The following SLC17A8 variants were observed in gnomAD, a reference collection of about 807,000 sequenced individuals.
SLC17A8 encodes the protein vesicular glutamate transporter 3.
A neutral mutation model predicts 58.0 loss-of-function variants in SLC17A8; 31 were observed. That is an observed-to-expected ratio of 0.53 (90% CI 0.40 to 0.72). SLC17A8 has a LOEUF of 0.72. Ranked by LOEUF, SLC17A8 falls within the 30% of genes least tolerant of loss-of-function variation. The pLI is 0.00. For synonymous variants in SLC17A8, 228 were observed against 249.0 expected (o/e 0.92, Z 0.79); for missense variants, 655 against 727.8 (o/e 0.90, Z 1.15).
Position 100,380,750 on chromosome 12 carries a change from G to A in SLC17A8, c.151G>A (p.Glu51Lys). The change falls in exon 2 of 12, where the codon GAA becomes AAA. Residue 51 changes from glutamate (E) to lysine (K), a missense_variant. Physicochemically the swap from Glu to Lys is moderately conservative, Grantham distance 56. Coordinates refer to ENST00000323346, the MANE Select transcript of SLC17A8 (RefSeq NM_139319.3). ...AGAAGATAACATTGAGCTGAATGAAGAAGGAAGGCCGGTGCAGACGTCCAG... is the reference window on the plus strand; with the variant it reads ...AGAAGATAACATTGAGCTGAATGAAAAAGGAAGGCCGGTGCAGACGTCCAG... Reference protein sequence around the residue: ...EEEDNIELNEEGRPVQTSRPS... With the variant: ...EEEDNIELNEKGRPVQTSRPS... The A allele has an allele frequency of 6.2e-7, 1 of 1,614,090 alleles. No individual in the cohort carries two copies. The highest frequency in any genetic ancestry group is 1.7e-5 in the Admixed American group (1 of 60,002).
At chr12:100,404,927 C>G (rs1012258415) in intron 9 of SLC17A8, among the ~76,000 whole-genome samples, 21 of 152,216 alleles carry the variant, frequency 1.4e-4, no homozygotes, top group African/African-American at 5.1e-4. Context: ...GCGGCTACCC[C>G]TCTGGAGGAC....
chr12:100,369,324 C>T (rs1470903243), intron 1 of SLC17A8, among the ~76,000 whole-genome samples: 1 of 152,118 alleles, frequency 6.6e-6, no homozygotes, highest in Non-Finnish European at 1.5e-5. Context: ...ATTGTTCAGA[C>T]TTCCTGGAAG....
In SLC17A8 at chr12:100,357,236, G is replaced by T. The variant is rs1221056409; in HGVS notation, c.-156G>T. The stretch of plus-strand genomic sequence containing the variant: ...TCTTATCTTGGAAGATCCGAGCTGG[G>T]TTTCATCTCCTTTTTGATTTTGAGT... On this transcript the variant is annotated 5_prime_UTR_variant, in exon 1 of 12. Coordinates refer to ENST00000323346, the MANE Select transcript of SLC17A8 (RefSeq NM_139319.3). The T allele has an allele frequency of 8.8e-6, 6 of 682,858 alleles. No individual in the cohort carries two copies. The highest frequency in any genetic ancestry group is 5.4e-6 in the Non-Finnish European group (2 of 373,386). The allele number at this position is 682,858 out of a possible 1,614,324, so 42.3% of individuals were successfully genotyped here. A position where few individuals can be genotyped will look rare whatever the true frequency, so the allele number is the denominator to read the frequency against.
At chr12:100,419,675 C>T (rs1952932886) in intron 11 of SLC17A8, 140 bp from the exon 12 acceptor site, 3 of 738,030 alleles carry the variant, frequency 4.1e-6, no homozygotes, top group Non-Finnish European at 6.7e-6. Flanking sequence ...GCTTCTGACA[C>T]ACGTCCTCCC....
At chr12:100,371,266 G>C (rs1478190881) in intron 1 of SLC17A8, among the ~76,000 whole-genome samples, 3 of 152,170 alleles carry the variant, frequency 2.0e-5, no homozygotes, top group African/African-American at 7.2e-5. Flanking sequence ...CAGGTTGAGG[G>C]AAGTTAGGTA....
In SLC17A8 at chr12:100,418,061, C is replaced by T. The variant is rs374159026; in HGVS notation, c.1330C>T (p.Arg444Cys). The T allele has an allele frequency of 2.5e-5, 41 of 1,614,080 alleles. No individual in the cohort carries two copies. Among genetic ancestry groups the T allele is most frequent in the Admixed American group, 1.7e-4 (10 of 60,004 alleles). ...FNVNHLDIAPRYASILMGISN... is the reference protein window; with the variant it reads ...FNVNHLDIAPCYASILMGISN... ...TGTCAACCACCTGGACATTGCCCCA[C>T]GCTATGCCAGCATTCTCATGGGGAT... is the stretch of plus-strand genomic sequence containing the variant. The change falls in exon 11 of 12, where the codon CGC becomes TGC. Residue 444 changes from arginine to cysteine, a missense_variant. Transcript: ENST00000323346.
chr12:100,403,914 A>C, intron 8 of SLC17A8, 124 bp from the exon 9 acceptor site: 1 of 1,074,784 alleles, frequency 9.3e-7, no homozygotes, highest in Non-Finnish European at 1.4e-6. Context: ...GCTCCCACAT[A>C]ATTAGATGCT....
chr12:100,387,301 A>G (rs537936781), intron 2 of SLC17A8, among the ~76,000 whole-genome samples: 2 of 152,302 alleles, frequency 1.3e-5, no homozygotes, highest in South Asian at 4.1e-4. Flanking sequence ...CCTAACAGGT[A>G]TAAAGTGACG....
rs551040112 is a variant in SLC17A8 at position 100,372,899 on chromosome 12, G to A, written c.102-7802G>A. ...ATTTTTAAAATACGTAAAATTATCT[G>A]CAAGTTCTCTCACTTTGTGCTCCAA... On this transcript the variant is annotated intron_variant, in intron 1 of 11. Transcript: ENST00000323346. 2.0e-5 allele frequency among the ~76,000 whole-genome samples: 3 copies of A among 152,256 alleles called. No individual in the cohort carries two copies. The South Asian group carries it at 6.2e-4, about 32-fold the overall frequency.
At chr12:100,372,752 A>G (rs1048689274) in intron 1 of SLC17A8, among the ~76,000 whole-genome samples, 1 of 152,018 alleles carries the variant, frequency 6.6e-6, no homozygotes, top group Non-Finnish European at 1.5e-5. Flanking sequence ...TTAACTTTAG[A>G]TAGGCTCTCT....
intron 1 of SLC17A8, among the ~76,000 whole-genome samples, chr12:100,363,419 A>T (rs752530405): frequency 2.6e-5 from 4 of 152,050 alleles, no homozygotes; most frequent in Non-Finnish European, 5.9e-5. Flanking sequence ...CCCAGGCTGG[A>T]TGCAGCGGCT....
chr12:100,366,050 CTTTT>C (rs67071341), intron 1 of SLC17A8, among the ~76,000 whole-genome samples: 4,782 of 91,038 alleles, frequency 0.053, 80 homozygotes, highest in African/African-American at 0.12. Flanking sequence ...GTGATCCCTT[CTTTT>C]TTTTTTTTTT....
chr12:100,366,379 T>C (rs1485493308), intron 1 of SLC17A8, among the ~76,000 whole-genome samples: 2 of 152,156 alleles, frequency 1.3e-5, no homozygotes, highest in African/African-American at 2.4e-5. Flanking sequence ...TCCATGGACA[T>C]GAACTCACTA....
chr12:100,406,162 C>G (rs1952824675), intron 9 of SLC17A8, among the ~76,000 whole-genome samples: 1 of 152,140 alleles, frequency 6.6e-6, no homozygotes, highest in African/African-American at 2.4e-5. Context: ...CCTCTCAATC[C>G]AGTCCTCTCT....
chr12:100,399,319 C>A (rs562231752), intron 5 of SLC17A8, among the ~76,000 whole-genome samples: 4 of 151,816 alleles, frequency 2.6e-5, no homozygotes, highest in Non-Finnish European at 5.9e-5. Flanking sequence ...GTTGTTTGCT[C>A]AAGGGGCTGT....
intron 1 of SLC17A8, among the ~76,000 whole-genome samples, chr12:100,366,544 A>G (rs1952522185): frequency 6.6e-6 from 1 of 152,202 alleles, no homozygotes; most frequent in African/African-American, 2.4e-5. Flanking sequence ...CTCTTTCTTC[A>G]GTGTATGTTT....
At chr12:100,406,120 C>T (rs746092849) in intron 9 of SLC17A8, among the ~76,000 whole-genome samples, 3 of 152,206 alleles carry the variant, frequency 2.0e-5, no homozygotes, top group Non-Finnish European at 4.4e-5. Context: ...TTGCCCACTC[C>T]CTTTCTCTTT....
intron 1 of SLC17A8, among the ~76,000 whole-genome samples, chr12:100,367,190 G>C (rs1308150961): frequency 1.3e-5 from 2 of 152,110 alleles, no homozygotes; most frequent in African/African-American, 4.8e-5. Flanking sequence ...TGCTGTAACA[G>C]TTCCCAACAT....
chr12:100,380,661 T>A, intron 1 of SLC17A8, 40 bp from the exon 2 acceptor site: 1 of 1,613,400 alleles, frequency 6.2e-7, no homozygotes, highest in East Asian at 2.2e-5. Context: ...TTTCCTTTAA[T>A]CCTGGCTTTT....
Sources: gnomAD v4.1 joint callset for allele counts (sites outside exome capture counted in the v4.1 genomes callset) on GRCh38, gnomAD v4.1.1 for gene constraint, MANE v1.5 for transcripts, NCBI Gene and HGNC (gene_info 2026-07-23, HGNC 2026-07-21) for gene names.